The following TIPIN variants were observed in gnomAD, a reference collection of about 807,000 sequenced individuals.
TIPIN encodes TIMELESS interacting protein, also known as TIMELESS-interacting protein.
In TIPIN, 29 loss-of-function variants were observed where a neutral mutation model predicts 35.6. The observed-to-expected ratio is 0.82, with a 90% CI of 0.61 to 1.11. The LOEUF is 1.11. TIPIN is among the 50% of genes most tolerant of loss of function. The probability of loss-of-function intolerance (pLI) is 0.00; values close to 1 mark genes in which losing one functional copy is unlikely to be tolerated. For missense variants in TIPIN, 296 were observed against 345.4 expected, an observed-to-expected ratio of 0.86 and a Z score of 1.13; for synonymous variants, 102 against 121.5, an observed-to-expected ratio of 0.84 and a Z score of 1.06.
chr15:66,379,998 C>CTTT (rs200332730), intron 1 of TIPIN: 3,219 of 309,164 alleles, frequency 0.01, 32 homozygotes, highest in South Asian at 0.018. Flanking sequence ...TTCTTTCTTT[C>CTTT]TTTCTTTTTT....
chr15:66,378,298 G>A (rs1448761167), intron 1 of TIPIN, among the ~76,000 whole-genome samples: 1 of 152,036 alleles, frequency 6.6e-6, no homozygotes, highest in Non-Finnish European at 1.5e-5. Flanking sequence ...ACCGCACCCG[G>A]CCAAATTTTT....
intron 1 of TIPIN, among the ~76,000 whole-genome samples, chr15:66,362,014 G>A (rs184408782): frequency 6.8e-5 from 10 of 147,856 alleles, no homozygotes; most frequent in Admixed American, 4.1e-4. Context: ...GGCTGGGCGC[G>A]GTGGCTCTGC....
chr15:66,345,298 C>T (rs1457224024), intron 6 of TIPIN, among the ~76,000 whole-genome samples: 1 of 152,114 alleles, frequency 6.6e-6, no homozygotes, highest in Non-Finnish European at 1.5e-5. Context: ...CAGCTGGAGG[C>T]CAAGCACAGT....
chr15:66,362,272 G>C (rs11071886), intron 1 of TIPIN, among the ~76,000 whole-genome samples: 151,228 of 151,958 alleles, frequency 1, 75,256 homozygotes, highest in Middle Eastern at 1. Flanking sequence ...CACTGCATTC[G>C]AGCCTGGGCA....
At position 66,341,226 on chromosome 15, in the gene TIPIN, T is replaced by G. The variant is rs1344606843; in HGVS notation, c.606A>C (p.Arg202Ser). 3.1e-6 allele frequency: 5 copies of G among 1,613,380 alleles called. No individual in the cohort carries two copies. The highest frequency in any genetic ancestry group is 4.2e-6 in the Non-Finnish European group (5 of 1,180,030). Residue 202 changes from arginine to serine, a missense_variant, in exon 7 of 8, where the codon AGA becomes AGC. Transcript: ENST00000261881. ...SRSLTEEQQQRIERNKQLALE... is the reference protein window; with the variant it reads ...SRSLTEEQQQSIERNKQLALE... Reference sequence around the variant, plus strand: ...AGGCCAGTTGTTTATTTCTCTCAATTCTTTGTTGTTGCTCTTCTGTTAGGC... The same window carrying G: ...AGGCCAGTTGTTTATTTCTCTCAATGCTTTGTTGTTGCTCTTCTGTTAGGC...
At chr15:66,375,748 C>G (rs1440986474) in intron 1 of TIPIN, among the ~76,000 whole-genome samples, 1 of 145,050 alleles carries the variant, frequency 6.9e-6, no homozygotes, top group South Asian at 2.2e-4. Flanking sequence ...TCCCCGGAGA[C>G]AAACACTATT....
rs765309272 is a variant in TIPIN, at chr15:66,351,552, C to G, written c.261G>C (p.Lys87Asn). 6.2e-6 allele frequency: 10 copies of G among 1,613,460 alleles called. No homozygotes were observed. The highest frequency in any genetic ancestry group is 8.5e-6 in the Non-Finnish European group (10 of 1,179,720). ...GLPALRHVFD[K>N]AKFKGKGHEA... ...CATGACCTTTACCTTTGAATTTTGC[C>G]TTATCAAATACATGCCTTAAGGCTG... The change falls in exon 4 of 8, where the codon AAG becomes AAC. Residue 87 changes from lysine to asparagine, a missense_variant. Physicochemically the swap from Lys to Asn is moderately conservative, Grantham distance 94. Coordinates refer to ENST00000261881, the MANE Select transcript of TIPIN (RefSeq NM_017858.3).
intron 1 of TIPIN, among the ~76,000 whole-genome samples, chr15:66,368,345 C>T (rs2093265464): frequency 6.7e-6 from 1 of 149,768 alleles, no homozygotes; most frequent in South Asian, 2.1e-4. Flanking sequence ...CATAGCAAGA[C>T]CTCATCTTTA....
chr15:66,362,476 T>C (rs372436907), intron 1 of TIPIN, among the ~76,000 whole-genome samples: 30 of 152,122 alleles, frequency 2.0e-4, no homozygotes, highest in Admixed American at 4.6e-4. Context: ...ATCACAGCAC[T>C]TTGGGAGGCC....
chr15:66,382,844 G>T, intron 1 of TIPIN: 1 of 592,400 alleles, frequency 1.7e-6, no homozygotes, highest in Non-Finnish European at 2.1e-6. Context: ...ATACATCACT[G>T]ATTCATACAC....
At chr15:66,364,764 C>G (rs140287945) in intron 1 of TIPIN, among the ~76,000 whole-genome samples, 1 of 151,656 alleles carries the variant, frequency 6.6e-6, no homozygotes, top group Non-Finnish European at 1.5e-5. Context: ...GCCAGGAGTT[C>G]GAGACTAGCC....
chr15:66,354,175 C>T (rs9806474), intron 1 of TIPIN, among the ~76,000 whole-genome samples: 12,152 of 152,172 alleles, frequency 0.08, 474 homozygotes, highest in Non-Finnish European at 0.086. Flanking sequence ...AGATGACTCC[C>T]TGATTTTTAT....
chr15:66,378,554 A>G (rs1414476750), intron 1 of TIPIN, among the ~76,000 whole-genome samples: 2 of 151,988 alleles, frequency 1.3e-5, no homozygotes, highest in East Asian at 3.8e-4. Flanking sequence ...TTTTTTCTCC[A>G]TGGAGAAATG....
intron 1 of TIPIN, among the ~76,000 whole-genome samples, chr15:66,383,215 A>C (rs542022029): frequency 6.6e-6 from 1 of 152,280 alleles, no homozygotes; most frequent in African/African-American, 2.4e-5. Context: ...ATAAAATTAT[A>C]CCAGAATTCA....
intron 6 of TIPIN, among the ~76,000 whole-genome samples, chr15:66,343,893 G>A (rs766004462): frequency 6.6e-6 from 1 of 152,078 alleles, no homozygotes; most frequent in Admixed American, 6.6e-5. Context: ...ACCTACTCAG[G>A]AGGCTGAGGC....
chr15:66,385,361 G>A (rs1006843789), intron 1 of TIPIN, among the ~76,000 whole-genome samples: 2 of 152,188 alleles, frequency 1.3e-5, no homozygotes, highest in African/African-American at 4.8e-5. Flanking sequence ...TTGACACTTA[G>A]TATTTTAGGA....
intron 1 of TIPIN, among the ~76,000 whole-genome samples, chr15:66,362,831 C>T (rs1327139872): frequency 6.6e-6 from 1 of 152,198 alleles, no homozygotes. Flanking sequence ...CCTGAGTCTT[C>T]TTTATTGGCT....
chr15:66,347,996 TA>T, intron 6 of TIPIN, among the ~76,000 whole-genome samples: 1 of 132,042 alleles, frequency 7.6e-6, no homozygotes, highest in Non-Finnish European at 1.6e-5. Flanking sequence ...TAACTACTTC[TA>T]TTCTTTCTTT....
chr15:66,378,237 G>A (rs576966391), intron 1 of TIPIN, among the ~76,000 whole-genome samples: 1 of 152,206 alleles, frequency 6.6e-6, no homozygotes, highest in African/African-American at 2.4e-5. Context: ...TCCTGACCTC[G>A]TGATCCGCCC....
Sources: gnomAD v4.1 joint callset for allele counts (sites outside exome capture counted in the v4.1 genomes callset) on GRCh38, gnomAD v4.1.1 for gene constraint, MANE v1.5 for transcripts, NCBI Gene and HGNC (gene_info 2026-07-23, HGNC 2026-07-21) for gene names.